Variants in TIE1 observed in about 807,000 individuals in gnomAD.
TIE1 encodes tyrosine kinase with immunoglobulin like and EGF like domains 1.
TIE1 carries 89 observed loss-of-function variants against 130.5 expected under a neutral mutation model. The observed-to-expected ratio is 0.68, with a 90% confidence interval of 0.57 to 0.81. The LOEUF (loss-of-function observed/expected upper bound fraction) is 0.81. Among genes scored for constraint, TIE1 ranks in the 40% least tolerant of loss-of-function variants. The probability of loss-of-function intolerance (pLI) is 0.00; values close to 1 mark genes in which losing one functional copy is unlikely to be tolerated. For missense variants in TIE1, 1,392 were observed against 1,559.8 expected (o/e 0.89, Z 1.81); for synonymous variants, 568 against 629.4 (o/e 0.90, Z 1.46).
In TIE1 at chr1:43,317,756, G is replaced by A. The variant is rs1646873536; in HGVS notation, c.2731+82G>A. 15 of 1,467,478 alleles carry A rather than the reference G, an allele frequency of 1.0e-5. No individual in the cohort carries two copies. Among genetic ancestry groups the A allele is most frequent in the Middle Eastern group, 2.0e-4 (1 of 5,062 alleles). 90.9% of individuals were successfully genotyped at this position (1,467,478 alleles called of 1,614,324 possible). Reference sequence around the variant, plus strand: ...CCTCCACCACATGAGTAGCTTGCCAGGGGCTGCTGGTGACCTGTGCACCAC... The same window carrying A: ...CCTCCACCACATGAGTAGCTTGCCAAGGGCTGCTGGTGACCTGTGCACCAC... On this transcript the variant is annotated intron_variant, in intron 16 of 22. Coordinates refer to ENST00000372476, the MANE Select transcript of TIE1 (RefSeq NM_005424.5). The surrounding 1 kb of genome is among the most constrained non-coding windows in gnomAD (Gnocchi z 5.1).
Position 43,318,006 on chromosome 1 carries a change from C to T in TIE1, c.2856C>T (p.Ser952=). 6.3e-7 allele frequency: 1 copy of T among 1,596,846 alleles called. No homozygotes were observed. Among genetic ancestry groups the T allele is most frequent in the Non-Finnish European group, 8.5e-7 (1 of 1,171,058 alleles). The change falls in exon 17 of 23, where the codon AGC becomes AGT. Residue 952 remains serine (S), a synonymous_variant. Transcript: ENST00000372476. This position sits in a 1 kb window ranked among gnomAD's most constrained non-coding sequence, Gnocchi z 4.4. The part of the protein sequence containing the change: ...AREHGTASTL[S]SRQLLRFASD... ...AGCATGGGACAGCCTCTACCCTTAG[C>T]TCCCGGCAGCTGCTGCGTTTCGCCA...
In TIE1 at chr1:43,313,769, T is replaced by A. The variant is rs1252187771; in HGVS notation, c.2219-9T>A. Reference sequence around the variant, plus strand: ...TGTCCCCACAATCTGCCCCTCTCACTGTGTCCAGGGCTGCAGGCTGAGGGC... The same window carrying A: ...TGTCCCCACAATCTGCCCCTCTCACAGTGTCCAGGGCTGCAGGCTGAGGGC... On this transcript the variant is annotated splice_polypyrimidine_tract_variant and intron_variant, in intron 13 of 22. Transcript: ENST00000372476. This position sits in a 1 kb window ranked among gnomAD's most constrained non-coding sequence, Gnocchi z 6.2. The A allele has an allele frequency of 6.2e-7, 1 of 1,605,630 alleles. No homozygotes were observed. Among genetic ancestry groups the A allele is most frequent in the Non-Finnish European group, 8.5e-7 (1 of 1,174,810 alleles).
At chr1:43,304,411 T>C (rs1321109748) in intron 1 of TIE1, among the ~76,000 whole-genome samples, 3 of 152,182 alleles carry the variant, frequency 2.0e-5, no homozygotes, top group African/African-American at 7.2e-5. Context: ...CAGGGAGAAG[T>C]GGCTCACAGC....
At chr1:43,301,898 A>G (rs12566247) in intron 1 of TIE1, among the ~76,000 whole-genome samples, 13 of 152,062 alleles carry the variant, frequency 8.5e-5, no homozygotes, top group Non-Finnish European at 1.8e-4. Context: ...AATTTATTTT[A>G]TATGCATTTC....
At position 43,307,391 on chromosome 1, in the gene TIE1, G is replaced by T; in HGVS notation, c.773-41G>T. 1 of 1,612,492 alleles carries T rather than the reference G, an allele frequency of 6.2e-7. No individual in the cohort carries two copies. Among genetic ancestry groups the T allele is most frequent in the East Asian group, 2.2e-5 (1 of 44,842 alleles). On this transcript the variant is annotated intron_variant, in intron 5 of 22. Coordinates refer to ENST00000372476, the MANE Select transcript of TIE1 (RefSeq NM_005424.5). The surrounding 1 kb of genome is among the most constrained non-coding windows in gnomAD (Gnocchi z 5.4). ...GCGACAGGCAGGTCCTGGGCCCAGG[G>T]GCCCACAGAGGCCCATACACCCCAC...
rs1413756691 is a variant in TIE1 at position 43,314,568 on chromosome 1, C to T, written c.2409+600C>T. The stretch of plus-strand genomic sequence containing the variant: ...AGGGGCTGGGCACAGTGACTTGCAC[C>T]TGTAATCCTAGCATTTTGGGAGGCT... On this transcript the variant is annotated intron_variant, in intron 14 of 22. Transcript: ENST00000372476. 4.0e-6 allele frequency: 4 copies of T among 988,880 alleles called. No individual in the cohort carries two copies. The East Asian group carries it at 3.4e-4, about 83-fold the overall frequency. 61.3% of individuals were successfully genotyped at this position (988,880 alleles called of 1,614,324 possible). A position where few individuals can be genotyped will look rare whatever the true frequency, so the allele number is the denominator to read the frequency against.
At position 43,317,361 on chromosome 1, in the gene TIE1, A is replaced by G; in HGVS notation, c.2572A>G (p.Ile858Val). ...CTTCGGCCAGGTCATCCGGGCCATG[A>G]TCAAGAAGGACGGGCTGAAGATGAA... ...GNFGQVIRAM[I>V]KKDGLKMNAA... Residue 858 changes from isoleucine to valine, a missense_variant, in exon 15 of 23, where the codon ATC (isoleucine) becomes GTC (valine). Physicochemically the swap from Ile to Val is conservative, Grantham distance 29. Around this residue, in one of 6 missense-constraint regions of TIE1, gnomAD observed 286 missense variants for 354.4 expected, o/e 0.81. Transcript: ENST00000372476. The surrounding 1 kb of genome is among the most constrained non-coding windows in gnomAD (Gnocchi z 5.1). 1 of 1,614,048 alleles carries G rather than the reference A, an allele frequency of 6.2e-7. No homozygotes were observed. The highest frequency in any genetic ancestry group is 8.5e-7 in the Non-Finnish European group (1 of 1,179,998).
rs376860690 is a variant in TIE1, at chr1:43,312,406, G to A, written c.1732G>A (p.Asp578Asn). The change falls in exon 12 of 23, where the codon GAC becomes AAC. Residue 578 changes from aspartate to asparagine, a missense_variant. Coordinates refer to ENST00000372476, the MANE Select transcript of TIE1 (RefSeq NM_005424.5). The surrounding 1 kb of genome is among the most constrained non-coding windows in gnomAD (Gnocchi z 5.6). ...LPLVPGPLVG[D>N]GFLLRLWDGT... ...CTTGGTGCCCGGGCCACTGGTGGGC[G>A]ACGGTTTCCTGCTGCGCCTGTGGGA... 27 of 1,608,130 alleles carry A rather than the reference G, an allele frequency of 1.7e-5. 1 individual carries two copies. The Middle Eastern group carries it at 8.2e-4, about 49-fold the overall frequency.
In TIE1 at chr1:43,321,428, G is replaced by A. The variant is rs760492428; in HGVS notation, c.3181G>A (p.Glu1061Lys). The change falls in exon 21 of 23, where the codon GAG (glutamate) becomes AAG (lysine). Residue 1061 changes from glutamate to lysine, a missense_variant. Glu to Lys is a moderately conservative substitution (Grantham distance 56). This residue lies in a region of TIE1 where 104 missense variants were observed against 129.3 expected (regional missense o/e 0.80). Transcript: ENST00000372476. ...GTPYCGMTCA[E>K]LYEKLPQGYR... ...ACCCTACTGTGGCATGACCTGTGCC[G>A]AGCTCTATGAAAAGCTGCCCCAGGG... 3.2e-5 allele frequency: 51 copies of A among 1,613,878 alleles called. No homozygotes were observed. The highest frequency in any genetic ancestry group is 1.7e-4 in the African/African-American group (13 of 74,842).
At position 43,312,150 on chromosome 1, in the gene TIE1, T is replaced by G; in HGVS notation, c.1630+19T>G. 1 of 1,518,106 alleles carries G rather than the reference T, an allele frequency of 6.6e-7. No individual in the cohort carries two copies. Among genetic ancestry groups the G allele is most frequent in the Admixed American group, 2.2e-5 (1 of 45,480 alleles). The allele number at this position is 1,518,106 out of a possible 1,614,324, so 94.0% of individuals were successfully genotyped here. A position where few individuals can be genotyped will look rare whatever the true frequency, so the allele number is the denominator to read the frequency against. On this transcript the variant is annotated intron_variant, in intron 11 of 22. Transcript: ENST00000372476. This position sits in a 1 kb window ranked among gnomAD's most constrained non-coding sequence, Gnocchi z 5.6. ...TGTCCTGGTGAGAGGCCAAGAGTCA[T>G]CCCTTCCTGTCCCCCCAAGGGTTAC...
rs374062170 is a variant in TIE1, at chr1:43,318,164, G to A, written c.2922+92G>A. On this transcript the variant is annotated intron_variant, in intron 17 of 22. Coordinates refer to ENST00000372476, the MANE Select transcript of TIE1 (RefSeq NM_005424.5). This position sits in a 1 kb window ranked among gnomAD's most constrained non-coding sequence, Gnocchi z 4.4. The stretch of plus-strand genomic sequence containing the variant: ...GTCAGCCGGCCCTGATTGTATCTGG[G>A]GATTGAGGTTCCTGGCCCAAGTGTG... The A allele has an allele frequency of 4.9e-5, 71 of 1,447,942 alleles. No individual in the cohort carries two copies. The African/African-American group carries it at 9.7e-4, about 20-fold the overall frequency. 89.7% of individuals were successfully genotyped at this position (1,447,942 alleles called of 1,614,324 possible). A position where few individuals can be genotyped will look rare whatever the true frequency, so the allele number is the denominator to read the frequency against.
At position 43,306,670 on chromosome 1, in the gene TIE1, A is replaced by G. The variant is rs1355223707; in HGVS notation, c.485-170A>G. ...ACTGGGTGGCTGGTGGAGCATGAAG[A>G]AGAGGGCACTTCTGAGCTTTCTGGC... On this transcript the variant is annotated intron_variant, in intron 3 of 22. Transcript: ENST00000372476. This position sits in a 1 kb window ranked among gnomAD's most constrained non-coding sequence, Gnocchi z 4.9. 1.3e-5 allele frequency among the ~76,000 whole-genome samples: 2 copies of G among 152,082 alleles called. No individual in the cohort carries two copies. Among genetic ancestry groups the G allele is most frequent in the Non-Finnish European group, 2.9e-5 (2 of 67,972 alleles).
Position 43,313,130 on chromosome 1 carries a change from C to G in TIE1, c.1928-5C>G, listed in dbSNP as rs773423210. On this transcript the variant is annotated splice_region_variant and splice_polypyrimidine_tract_variant and intron_variant, in intron 12 of 22. Coordinates refer to ENST00000372476, the MANE Select transcript of TIE1 (RefSeq NM_005424.5). The surrounding 1 kb of genome is among the most constrained non-coding windows in gnomAD (Gnocchi z 6.2). ...GAGCCTTGCCTTCCCCCACCATCTCCCCAGGGCCTCCAGCCCCCCGACACC... is the reference window on the plus strand; with the variant it reads ...GAGCCTTGCCTTCCCCCACCATCTCGCCAGGGCCTCCAGCCCCCCGACACC... The G allele has an allele frequency of 1.3e-6, 2 of 1,597,372 alleles. No homozygotes were observed. Among genetic ancestry groups the G allele is most frequent in the Non-Finnish European group, 1.7e-6 (2 of 1,172,562 alleles).
rs1420206686 is a variant in TIE1, at chr1:43,316,971, G to A, written c.2410-228G>A. On this transcript the variant is annotated intron_variant, in intron 14 of 22. Transcript: ENST00000372476. This position sits in a 1 kb window ranked among gnomAD's most constrained non-coding sequence, Gnocchi z 4.4. ...CTGCAGCCTCTGCATTTCTCTCCTT[G>A]GACATCTGTCCACCCAGCAGCCTAC... is the stretch of plus-strand genomic sequence containing the variant. Among the ~76,000 whole-genome samples, 1 of 151,846 alleles carries A rather than the reference G, an allele frequency of 6.6e-6. No individual in the cohort carries two copies. Among genetic ancestry groups the A allele is most frequent in the East Asian group, 1.9e-4 (1 of 5,188 alleles).
chr1:43,310,413 T>C (rs766348855), intron 9 of TIE1, among the ~76,000 whole-genome samples: 3 of 152,344 alleles, frequency 2.0e-5, no homozygotes, highest in Non-Finnish European at 2.9e-5. Flanking sequence ...TGGGGATAGC[T>C]AGCACTTGAT....
At position 43,307,722 on chromosome 1, in the gene TIE1, C is replaced by G. The variant is rs1398932478; in HGVS notation, c.914-74C>G. The G allele has an allele frequency of 2.5e-6, 4 of 1,603,854 alleles. No individual in the cohort carries two copies. The highest frequency in any genetic ancestry group is 2.6e-6 in the Non-Finnish European group (3 of 1,173,072). On this transcript the variant is annotated intron_variant, in intron 6 of 22. Transcript: ENST00000372476. The surrounding 1 kb of genome is among the most constrained non-coding windows in gnomAD (Gnocchi z 5.4). Reference sequence around the variant, plus strand: ...CTCAGCCTGTTGTATAACCTGTGCCCCATCTGCGCCCTCATCTGTGCCCTC... The same window carrying G: ...CTCAGCCTGTTGTATAACCTGTGCCGCATCTGCGCCCTCATCTGTGCCCTC...
rs1326195751 is a variant in TIE1 at position 43,321,661 on chromosome 1, A to AC, written c.3297dup (p.Phe1100LeufsTer25). 4 of 1,552,228 alleles carry AC rather than the reference A, an allele frequency of 2.6e-6. No individual in the cohort carries two copies. Among genetic ancestry groups the AC allele is most frequent in the Non-Finnish European group, 3.5e-6 (4 of 1,147,820 alleles). On this transcript the variant is annotated frameshift_variant, in exon 22 of 23. Coordinates refer to ENST00000372476, the MANE Select transcript of TIE1 (RefSeq NM_005424.5). LOFTEE classifies it high-confidence loss of function. ...GCTGGCGGGACCGTCCCTATGAGCGACCCCCCTTTGCCCAGATTGCGCTAC... is the reference window on the plus strand; with the variant it reads ...GCTGGCGGGACCGTCCCTATGAGCGACCCCCCCTTTGCCCAGATTGCGCTAC...
Position 43,317,989 on chromosome 1 carries a change from A to G in TIE1, c.2839A>G (p.Thr947Ala). The stretch of plus-strand genomic sequence containing the variant: ...CCCAGCTTTTGCTCGAGAGCATGGG[A>G]CAGCCTCTACCCTTAGCTCCCGGCA... ...TDPAFAREHG[T>A]ASTLSSRQLL... Residue 947 changes from threonine to alanine, a missense_variant, in exon 17 of 23, where the codon ACA becomes GCA. By Grantham distance (58) the Thr-to-Ala change is moderately conservative. Around this residue, in one of 6 missense-constraint regions of TIE1, gnomAD observed 286 missense variants for 354.4 expected, o/e 0.81. Coordinates refer to ENST00000372476, the MANE Select transcript of TIE1 (RefSeq NM_005424.5). The surrounding 1 kb of genome is among the most constrained non-coding windows in gnomAD (Gnocchi z 5.1). The G allele has an allele frequency of 6.2e-7, 1 of 1,610,936 alleles. No individual in the cohort carries two copies. Among genetic ancestry groups the G allele is most frequent in the Non-Finnish European group, 8.5e-7 (1 of 1,178,344 alleles).
In TIE1 at chr1:43,306,331, G is replaced by C. The variant is rs1646727880; in HGVS notation, c.485-509G>C. ...ATTCAGGAATGTTAGGAGTCAAGAA[G>C]GGTGTGAAGACGAATGGGGCTGGAT... On this transcript the variant is annotated intron_variant, in intron 3 of 22. Transcript: ENST00000372476. This position sits in a 1 kb window ranked among gnomAD's most constrained non-coding sequence, Gnocchi z 4.9. Among the ~76,000 whole-genome samples, 1 of 152,218 alleles carries C rather than the reference G, an allele frequency of 6.6e-6. No individual in the cohort carries two copies. Among genetic ancestry groups the C allele is most frequent in the Non-Finnish European group, 1.5e-5 (1 of 68,032 alleles).
Sources: gnomAD v4.1 joint callset for allele counts (sites outside exome capture counted in the v4.1 genomes callset) on GRCh38, gnomAD v4.1.1 for gene constraint, gnomAD v4.1.1 regional missense constraint, Gnocchi (gnomAD v3.1) non-coding constraint, MANE v1.5 for transcripts, NCBI Gene and HGNC (gene_info 2026-07-23, HGNC 2026-07-21) for gene names.